PYM1: variants seen among roughly 807,000 people sequenced by gnomAD.
The protein encoded by PYM1 is PYM1 exon junction complex associated factor.
Under a neutral mutation model 20.7 loss-of-function variants are expected in PYM1, and 7 were observed. The ratio of observed to expected loss-of-function variants is 0.34; its 90% confidence interval spans 0.19 to 0.64. The LOEUF (loss-of-function observed/expected upper bound fraction) is 0.64, where lower values mean the gene tolerates loss of function less well. PYM1 is among the 30% of genes least tolerant of loss of function. PYM1 has a pLI of 0.74. For missense variants in PYM1, 194 were observed against 250.0 expected (o/e 0.78, Z 1.51); for synonymous variants, 100 against 99.2 (o/e 1.01, Z -0.05).
intron 2 of PYM1, 126 bp from the exon 3 acceptor site, chr12:55,902,481 G>T (rs752516161): frequency 2.3e-5 from 31 of 1,377,492 alleles, no homozygotes; most frequent in Non-Finnish European, 3.0e-5. Flanking sequence ...GTTTTTGTGG[G>T]GTTGTTTGTT....
intron 1 of PYM1, among the ~76,000 whole-genome samples, chr12:55,914,831 A>C (rs1393473650): frequency 1.3e-5 from 2 of 152,216 alleles, no homozygotes; most frequent in Non-Finnish European, 2.9e-5. Flanking sequence ...CCCTCAAGGA[A>C]GAAAAGGTGA....
chr12:55,916,525 CGGTGACTCACGCCT>C (rs1883010721), intron 1 of PYM1, among the ~76,000 whole-genome samples: 1 of 151,890 alleles, frequency 6.6e-6, no homozygotes, highest in Admixed American at 6.6e-5. Context: ...CAGCCAGGCA[CGGTGACTCACGCCT>C]GTAATCCCAG....
rs926276016 is a variant in PYM1, at chr12:55,901,840, T to C, written c.*32A>G. 3.2e-6 allele frequency: 5 copies of C among 1,560,560 alleles called. No individual in the cohort carries two copies. Among genetic ancestry groups the C allele is most frequent in the Non-Finnish European group, 2.6e-6 (3 of 1,154,572 alleles). ...AGACCCCAGAGAGCCCCACGGTTTG[T>C]TCTGCAGTCCATTCCCTATTCCCCA... is the stretch of plus-strand genomic sequence containing the variant. On this transcript the variant is annotated 3_prime_UTR_variant, in exon 3 of 3. Coordinates refer to ENST00000408946, the MANE Select transcript of PYM1 (RefSeq NM_032345.3).
intron 1 of PYM1, among the ~76,000 whole-genome samples, chr12:55,910,529 G>A (rs1044122048): frequency 1.3e-5 from 2 of 151,946 alleles, no homozygotes; most frequent in Admixed American, 1.3e-4. Flanking sequence ...TGCAACCTCC[G>A]CCTCCTGGGT....
chr12:55,921,202 T>C (rs894906691), intron 1 of PYM1, among the ~76,000 whole-genome samples: 1 of 152,240 alleles, frequency 6.6e-6, no homozygotes, highest in Non-Finnish European at 1.5e-5. Flanking sequence ...TAATTTCTTC[T>C]AACCCATACA....
chr12:55,909,509 G>C (rs1477737168), intron 1 of PYM1, among the ~76,000 whole-genome samples: 2 of 151,040 alleles, frequency 1.3e-5, no homozygotes, highest in Non-Finnish European at 2.9e-5. Flanking sequence ...TTAGGGCTTT[G>C]AATAAATGAA....
intron 1 of PYM1, among the ~76,000 whole-genome samples, chr12:55,909,258 C>G (rs962531407): frequency 1.1e-4 from 16 of 151,982 alleles, no homozygotes; most frequent in African/African-American, 3.6e-4. Flanking sequence ...AAGGAAGAGT[C>G]AAACTAAACA....
Position 55,927,845 on chromosome 12 carries a change from A to C in PYM1, c.-84T>G. Reference sequence around the variant, plus strand: ...GGGCGGCGCCGGGGATTCGGCGGCGAAGTGATGAGGGCCCTAGTTGCTTCT... The same window carrying C: ...GGGCGGCGCCGGGGATTCGGCGGCGCAGTGATGAGGGCCCTAGTTGCTTCT... On this transcript the variant is annotated 5_prime_UTR_variant, in exon 1 of 3. Transcript: ENST00000408946. The C allele has an allele frequency of 6.7e-7, 1 of 1,495,110 alleles. No individual in the cohort carries two copies. The highest frequency in any genetic ancestry group is 8.9e-7 in the Non-Finnish European group (1 of 1,119,218). 92.6% of individuals were successfully genotyped at this position (1,495,110 alleles called of 1,614,324 possible). A position where few individuals can be genotyped will look rare whatever the true frequency, so the allele number is the denominator to read the frequency against.
intron 1 of PYM1, among the ~76,000 whole-genome samples, chr12:55,912,921 G>A (rs992634742): frequency 1.3e-5 from 2 of 151,382 alleles, no homozygotes; most frequent in African/African-American, 2.4e-5. Flanking sequence ...CCAAGATCAC[G>A]CCATTGCACT....
At chr12:55,910,150 G>A (rs1190665017) in intron 1 of PYM1, among the ~76,000 whole-genome samples, 1 of 151,994 alleles carries the variant, frequency 6.6e-6, no homozygotes, top group Non-Finnish European at 1.5e-5. Flanking sequence ...AATATTTTTA[G>A]AGATTCTGAG....
chr12:55,902,019 GTTCT>G lies in PYM1; in HGVS notation c.464_467del (p.Lys155ThrfsTer2). On this transcript the variant is annotated frameshift_variant, in exon 3 of 3. Coordinates refer to ENST00000408946, the MANE Select transcript of PYM1 (RefSeq NM_032345.3). LOFTEE classifies it high-confidence loss of function. Reference sequence around the variant, plus strand: ...CCACCTGCCGGAGTTTCTTCTTTAGGTTCTTTATCTTCTTGGCTTTCTCAGTGGT... The same window carrying G: ...CCACCTGCCGGAGTTTCTTCTTTAGGTTATCTTCTTGGCTTTCTCAGTGGT... 2 of 1,614,014 alleles carry G rather than the reference GTTCT, an allele frequency of 1.2e-6. No individual in the cohort carries two copies. The highest frequency in any genetic ancestry group is 1.7e-6 in the Non-Finnish European group (2 of 1,180,006).
chr12:55,911,740 C>G (rs1047602635), intron 1 of PYM1, among the ~76,000 whole-genome samples: 1 of 151,646 alleles, frequency 6.6e-6, no homozygotes, highest in Non-Finnish European at 1.5e-5. Flanking sequence ...ACTCGGGAGG[C>G]TGAGGCAGGA....
intron 1 of PYM1, among the ~76,000 whole-genome samples, chr12:55,917,471 T>C (rs1307468425): frequency 1.3e-5 from 2 of 151,932 alleles, no homozygotes; most frequent in African/African-American, 4.8e-5. Context: ...GTCACAGCCA[T>C]AAAGAGCAAA....
chr12:55,923,231 A>T (rs892386695), intron 1 of PYM1, among the ~76,000 whole-genome samples: 1 of 151,990 alleles, frequency 6.6e-6, no homozygotes, highest in Admixed American at 6.6e-5. Context: ...TCTCAAAAAA[A>T]TAGTAATAAA....
intron 1 of PYM1, among the ~76,000 whole-genome samples, chr12:55,907,191 CG>C (rs1565714889): frequency 6.6e-6 from 1 of 151,572 alleles, no homozygotes; most frequent in African/African-American, 2.4e-5. Flanking sequence ...AGGCCAGATG[CG>C]GCGGTTCACA....
At chr12:55,911,380 G>C (rs1882919904) in intron 1 of PYM1, among the ~76,000 whole-genome samples, 1 of 152,062 alleles carries the variant, frequency 6.6e-6, no homozygotes, top group African/African-American at 2.4e-5. Flanking sequence ...CCAAAGTGCT[G>C]AGATTATAGG....
At chr12:55,906,501 C>A (rs1882819228) in intron 1 of PYM1, among the ~76,000 whole-genome samples, 1 of 152,014 alleles carries the variant, frequency 6.6e-6, no homozygotes, top group African/African-American at 2.4e-5. Context: ...GCAAAGTCAA[C>A]CCCATGAAAA....
At chr12:55,910,776 CAAATACATTTAAG>C (rs1178937553) in intron 1 of PYM1, among the ~76,000 whole-genome samples, 1 of 152,138 alleles carries the variant, frequency 6.6e-6, no homozygotes, top group East Asian at 1.9e-4. Context: ...AGACATCACT[CAAATACATTTAAG>C]AAATACATTG....
intron 1 of PYM1, among the ~76,000 whole-genome samples, chr12:55,910,303 C>T (rs572305154): frequency 2.5e-3 from 370 of 148,806 alleles, no homozygotes; most frequent in African/African-American, 8.5e-3. Context: ...TTTTTTGAGA[C>T]GGAATCTCAC....
Sources: allele counts gnomAD v4.1 joint callset (sites outside exome capture counted in the v4.1 genomes callset), GRCh38; gene constraint gnomAD v4.1.1; transcripts MANE v1.5; gene names NCBI Gene and HGNC (gene_info 2026-07-23, HGNC 2026-07-21).